ANO2: variants seen among roughly 807,000 people sequenced by gnomAD.
ANO2 encodes the protein anoctamin-2.
In ANO2, 101 loss-of-function variants were observed where a neutral mutation model predicts 124.2. That is an observed-to-expected ratio of 0.81 (90% CI 0.69 to 0.96). The LOEUF is 0.96. ANO2 is among the 40% of genes least tolerant of loss of function. The probability of loss-of-function intolerance (pLI) is 0.00; values close to 1 mark genes in which losing one functional copy is unlikely to be tolerated. For missense variants in ANO2, 1,293 were observed against 1,274.5 expected (o/e 1.01, Z -0.22); for synonymous variants, 486 against 482.5 (o/e 1.01, Z -0.09).
At chr12:5,843,344 G>A (rs981835856) in intron 4 of ANO2, among the ~76,000 whole-genome samples, 3 of 152,106 alleles carry the variant, frequency 2.0e-5, no homozygotes, top group Non-Finnish European at 4.4e-5. Flanking sequence ...GCGGTCAGGA[G>A]TTTGAGACCA....
At chr12:5,922,928 T>G (rs1941785772) in intron 1 of ANO2, 124 bp from the exon 2 acceptor site, 2 of 1,035,744 alleles carry the variant, frequency 1.9e-6, no homozygotes, top group East Asian at 6.2e-5. Context: ...CACAGCTGCC[T>G]CCTTGGTTAG....
chr12:5,639,271 G>C lies in ANO2; in HGVS notation c.1621-3924C>G, dbSNP rs559656529. On this transcript the variant is annotated intron_variant, in intron 15 of 24. Transcript: ENST00000682330. ...AAAATACAGGCACGCGCACACACTA[G>C]CAACTTCATCATCGACATAGTACGC... Among the ~76,000 whole-genome samples, 6 of 152,244 alleles carry C rather than the reference G, an allele frequency of 3.9e-5. No individual in the cohort carries two copies. The East Asian group carries it at 1.2e-3, about 29-fold the overall frequency.
chr12:5,783,536 A>G (rs1952461319), intron 10 of ANO2, among the ~76,000 whole-genome samples: 1 of 152,234 alleles, frequency 6.6e-6, no homozygotes, highest in Non-Finnish European at 1.5e-5. Flanking sequence ...TGCCAGGGTG[A>G]TGGTGAATGT....
chr12:5,729,972 A>G (rs985431639), intron 14 of ANO2, among the ~76,000 whole-genome samples: 1 of 152,250 alleles, frequency 6.6e-6, no homozygotes, highest in Non-Finnish European at 1.5e-5. Flanking sequence ...GACAGAAAGT[A>G]GATTAGTTGT....
intron 4 of ANO2, among the ~76,000 whole-genome samples, chr12:5,842,804 C>T (rs919789769): frequency 1.3e-5 from 2 of 152,182 alleles, no homozygotes; most frequent in Non-Finnish European, 2.9e-5. Flanking sequence ...CAGGCTCATA[C>T]GCACATCCGC....
rs550021844 is a variant in ANO2, at chr12:5,847,282, T to C, written c.633+6761A>G. Among the ~76,000 whole-genome samples the C allele has an allele frequency of 9.2e-5, 14 of 152,314 alleles. No individual in the cohort carries two copies. In the East Asian group the frequency reaches 2.7e-3, roughly 29 times the overall value. ...TTGAACTGAAACATCAGTTCTTGGG[T>C]CTTGAGGCTGCTGGAGCTTCTTCAT... On this transcript the variant is annotated intron_variant, in intron 4 of 24. Coordinates refer to ENST00000682330, the MANE Select transcript of ANO2 (RefSeq NM_001364791.2).
Position 5,921,089 on chromosome 12 carries a change from A to T in ANO2, c.485T>A (p.Phe162Tyr). 6.2e-7 allele frequency: 1 copy of T among 1,613,644 alleles called. No individual in the cohort carries two copies. The highest frequency in any genetic ancestry group is 8.5e-7 in the Non-Finnish European group (1 of 1,179,682). Residue 162 changes from phenylalanine (F) to tyrosine (Y), a missense_variant, in exon 3 of 25, where the codon TTT becomes TAT. Phe to Tyr is a conservative substitution (Grantham distance 22). Coordinates refer to ENST00000682330, the MANE Select transcript of ANO2 (RefSeq NM_001364791.2). ...EEERKEQREEFEHNLMEAGLE... is the reference protein window; with the variant it reads ...EEERKEQREEYEHNLMEAGLE... ...TCCAGCCTCCATCAGATTGTGCTCAAATTCCTCCCGCTGCTCCTTCCTCTC... is the reference window on the plus strand; with the variant it reads ...TCCAGCCTCCATCAGATTGTGCTCATATTCCTCCCGCTGCTCCTTCCTCTC...
intron 10 of ANO2, among the ~76,000 whole-genome samples, chr12:5,798,167 T>G (rs936653293): frequency 6.6e-6 from 1 of 151,014 alleles, no homozygotes; most frequent in Admixed American, 6.6e-5. Context: ...AAGAATGGAA[T>G]GATCAGCCTT....
chr12:5,727,297 C>T lies in ANO2; in HGVS notation c.1545+5223G>A, dbSNP rs142512094. Among the ~76,000 whole-genome samples, 1,345 of 152,136 alleles carry T rather than the reference C, an allele frequency of 8.8e-3. 19 individuals are homozygous for T. The highest frequency in any genetic ancestry group is 0.012 in the Non-Finnish European group (818 of 68,008). Reference sequence around the variant, plus strand: ...TCTCTCTCCTGCTTTCAGTATGTGACGTGCCTGCTCCCCCTTCGCCTTCCA... The same window carrying T: ...TCTCTCTCCTGCTTTCAGTATGTGATGTGCCTGCTCCCCCTTCGCCTTCCA... On this transcript the variant is annotated intron_variant, in intron 14 of 24. Transcript: ENST00000682330.
rs148755390 is a variant in ANO2, at chr12:5,626,544, G to A, written c.1816+8608C>T. Reference sequence around the variant, plus strand: ...TCCATAGGAGTGAGACCCAAGGAGCGAAGGGCAGGTTCTACCCAGGCATCT... The same window carrying A: ...TCCATAGGAGTGAGACCCAAGGAGCAAAGGGCAGGTTCTACCCAGGCATCT... On this transcript the variant is annotated intron_variant, in intron 16 of 24. Coordinates refer to ENST00000682330, the MANE Select transcript of ANO2 (RefSeq NM_001364791.2). Among the ~76,000 whole-genome samples the A allele has an allele frequency of 4.9e-3, 741 of 152,258 alleles. 7 individuals carry two copies. The highest frequency in any genetic ancestry group is 0.017 in the African/African-American group (709 of 41,544).
At chr12:5,853,872 T>G in intron 4 of ANO2, among the ~76,000 whole-genome samples, 171 bp downstream of exon 4, 1 of 90,352 alleles carries the variant, frequency 1.1e-5, no homozygotes. Flanking sequence ...CTCTTCCCCG[T>G]CCCCGTCCCC....
chr12:5,569,232 TGCCAGACA>T (rs1591639206), intron 23 of ANO2, among the ~76,000 whole-genome samples: 1 of 152,176 alleles, frequency 6.6e-6, no homozygotes, highest in East Asian at 1.9e-4. Context: ...GGGTGGAGGC[TGCCAGACA>T]GCTCCACAAC....
At chr12:5,946,136 T>C, upstream of ANO2, 1 of 1,613,668 alleles carries the variant, frequency 6.2e-7, no homozygotes. The surrounding 1 kb of genome is among the most constrained non-coding windows in gnomAD (Gnocchi z 4.1). Flanking sequence ...AAGTATGCCA[T>C]TTGTGATCAC....
chr12:5,869,935 T>C (rs1955526772), intron 3 of ANO2, among the ~76,000 whole-genome samples: 1 of 152,176 alleles, frequency 6.6e-6, no homozygotes, highest in South Asian at 2.1e-4. Flanking sequence ...ACATAACTAC[T>C]GCCTTGAACC....
chr12:5,641,167 T>C (rs2136947614), intron 15 of ANO2, among the ~76,000 whole-genome samples: 1 of 137,520 alleles, frequency 7.3e-6, no homozygotes, highest in East Asian at 2.1e-4. Flanking sequence ...AGGTTGGAAC[T>C]GAACAATGAG....
intron 16 of ANO2, among the ~76,000 whole-genome samples, chr12:5,617,871 C>T (rs941462130): frequency 2.0e-5 from 3 of 152,142 alleles, no homozygotes; most frequent in East Asian, 3.9e-4. Flanking sequence ...TGTTAACTAC[C>T]CACACCCACG....
At chr12:5,693,399 C>T (rs1949026477) in intron 14 of ANO2, among the ~76,000 whole-genome samples, 1 of 152,134 alleles carries the variant, frequency 6.6e-6, no homozygotes, top group African/African-American at 2.4e-5. Flanking sequence ...GAAACGTAGT[C>T]AGCACCTGAA....
intron 20 of ANO2, among the ~76,000 whole-genome samples, chr12:5,598,964 C>T (rs1356915892): frequency 8.5e-5 from 4 of 47,296 alleles, no homozygotes; most frequent in Non-Finnish European, 2.3e-4. Flanking sequence ...CGAAATAGAC[C>T]CAACTTTTGT....
chr12:5,785,044 T>G (rs192268454), intron 10 of ANO2, among the ~76,000 whole-genome samples: 3 of 152,296 alleles, frequency 2.0e-5, no homozygotes, highest in Admixed American at 2.0e-4. Flanking sequence ...CAGACTGAAC[T>G]CTGCATGGCA....
Sources: gnomAD v4.1 joint callset for allele counts (sites outside exome capture counted in the v4.1 genomes callset) on GRCh38, gnomAD v4.1.1 for gene constraint, Gnocchi (gnomAD v3.1) non-coding constraint, MANE v1.5 for transcripts, NCBI Gene and HGNC (gene_info 2026-07-23, HGNC 2026-07-21) for gene names.